USP20: variants seen among roughly 807,000 people sequenced by gnomAD.
The protein encoded by USP20 is ubiquitin carboxyl-terminal hydrolase 20.
USP20 carries 80 observed loss-of-function variants against 124.2 expected under a neutral mutation model. The observed-to-expected ratio is 0.64, with a 90% CI of 0.54 to 0.78. USP20 has a LOEUF of 0.78. Ranked by LOEUF, USP20 falls within the 30% of genes least tolerant of loss-of-function variation. USP20 has a pLI of 0.00. For synonymous variants in USP20, 481 were observed against 512.3 expected (o/e 0.94, Z 0.83); for missense variants, 1,043 against 1,244.4 (o/e 0.84, Z 2.44).
rs564516393 is a variant in USP20, at chr9:129,873,850, T to C, written c.1740+106T>C. The C allele has an allele frequency of 2.1e-4, 289 of 1,385,120 alleles. 2 individuals carry two copies. The East Asian group carries it at 5.3e-3, about 25-fold the overall frequency. The allele number at this position is 1,385,120 out of a possible 1,614,324, so 85.8% of individuals were successfully genotyped here. A position where few individuals can be genotyped will look rare whatever the true frequency, so the allele number is the denominator to read the frequency against. ...CTCCACTGCTCGGGCACTTCTGTGC[T>C]GCAGGGGCCGTGGAGACTCCATAGC... On this transcript the variant is annotated intron_variant, in intron 17 of 25. Transcript: ENST00000372429.
At chr9:129,837,645 G>C (rs1472463298) in intron 1 of USP20, among the ~76,000 whole-genome samples, 1 of 152,202 alleles carries the variant, frequency 6.6e-6, no homozygotes, top group African/African-American at 2.4e-5. Flanking sequence ...TGTAAAGTGT[G>C]TTAGAAGATG....
rs747113829 is a variant in USP20, at chr9:129,869,324, G to A, written c.1291G>A (p.Ala431Thr). 5 of 1,613,532 alleles carry A rather than the reference G, an allele frequency of 3.1e-6. No individual in the cohort carries two copies. In the South Asian group the frequency reaches 5.5e-5, roughly 18 times the overall value. The change falls in exon 13 of 26, where the codon GCT becomes ACT. Residue 431 changes from alanine (A) to threonine (T), a missense_variant. Transcript: ENST00000372429. Reference protein sequence around the residue: ...YVLKKAQVLSAGSRRRKEQRY... With the variant: ...YVLKKAQVLSTGSRRRKEQRY... ...TGTGTCCCCAGCCCAGGTATTGAGT[G>A]CTGGCAGCCGGAGGCGGAAGGAGCA...
chr9:129,852,296 A>G (rs965686607), intron 2 of USP20, among the ~76,000 whole-genome samples: 2 of 152,142 alleles, frequency 1.3e-5, no homozygotes, highest in East Asian at 3.8e-4. Flanking sequence ...TCCCTACATC[A>G]GGGACTACAC....
chr9:129,848,182 G>C (rs547868137), intron 1 of USP20, among the ~76,000 whole-genome samples: 1 of 152,164 alleles, frequency 6.6e-6, no homozygotes, highest in African/African-American at 2.4e-5. Context: ...TGGAATCCCA[G>C]CTACTCAAGG....
chr9:129,857,948 C>G, intron 4 of USP20, 102 bp from the exon 5 acceptor site: 1 of 1,054,246 alleles, frequency 9.5e-7, no homozygotes, highest in Non-Finnish European at 1.5e-6. Flanking sequence ...GGCCCCTATT[C>G]AGGAGAGGTA....
chr9:129,850,953 CTTTTG>C (rs1166129871), intron 2 of USP20, among the ~76,000 whole-genome samples: 3 of 152,230 alleles, frequency 2.0e-5, no homozygotes, highest in South Asian at 2.1e-4. Flanking sequence ...CGCACCCAGT[CTTTTG>C]TTTTGTTTTT....
intron 7 of USP20, 60 bp from the exon 8 acceptor site, chr9:129,861,483 A>G: frequency 6.5e-7 from 1 of 1,529,322 alleles, no homozygotes; most frequent in South Asian, 1.1e-5. Context: ...TGTGACTTGC[A>G]AGGTTTCCTC....
intron 1 of USP20, among the ~76,000 whole-genome samples, chr9:129,849,536 G>A (rs1237894157): frequency 6.6e-6 from 1 of 152,160 alleles, no homozygotes; most frequent in Non-Finnish European, 1.5e-5. Context: ...GAGGTGGGAG[G>A]ACTACTTGAG....
chr9:129,875,719 G>A, intron 21 of USP20, 78 bp downstream of exon 21: 2 of 1,452,148 alleles, frequency 1.4e-6, no homozygotes, highest in Non-Finnish European at 1.9e-6. Context: ...GGGCAGGGAA[G>A]GAATGCCACC....
At chr9:129,875,713 A>C in intron 21 of USP20, 72 bp downstream of exon 21, 1 of 1,506,328 alleles carries the variant, frequency 6.6e-7, no homozygotes, top group Non-Finnish European at 9.1e-7. Flanking sequence ...AGGGGAGGGC[A>C]GGGAAGGAAT....
chr9:129,869,280 G>A (rs753724903), intron 12 of USP20, 30 bp from the exon 13 acceptor site: 4 of 1,594,506 alleles, frequency 2.5e-6, no homozygotes, highest in African/African-American at 1.3e-5. Context: ...GGCAGGTGGA[G>A]GCTGGGCTAG....
In USP20 at chr9:129,879,283, G is replaced by A; in HGVS notation, c.2513-290G>A. 5 of 434,102 alleles carry A rather than the reference G, an allele frequency of 1.2e-5. No homozygotes were observed. The allele number at this position is 434,102 out of a possible 1,614,324, so 26.9% of individuals were successfully genotyped here. On this transcript the variant is annotated intron_variant, in intron 23 of 25. Coordinates refer to ENST00000372429, the MANE Select transcript of USP20 (RefSeq NM_001110303.4). This position sits in a 1 kb window ranked among gnomAD's most constrained non-coding sequence, Gnocchi z 4.2. ...GGCTAAATGAGATAGCTGGGCAGAG[G>A]GGAAGGGGCGTGGTGAGCGGCAGCT...
intron 1 of USP20, among the ~76,000 whole-genome samples, chr9:129,847,299 C>CTTTTT (rs35098457): frequency 2.3e-5 from 3 of 130,868 alleles, no homozygotes; most frequent in Non-Finnish European, 4.9e-5. Context: ...ACAGCCAACA[C>CTTTTT]TTTTTTTTTT....
chr9:129,836,052 C>T (rs1363547320), intron 1 of USP20, among the ~76,000 whole-genome samples: 4 of 152,196 alleles, frequency 2.6e-5, no homozygotes, highest in Non-Finnish European at 5.9e-5. Context: ...GGCCACCCCC[C>T]TGGACCTTCA....
At chr9:129,864,272 C>T (rs545303623) in intron 9 of USP20, among the ~76,000 whole-genome samples, 82 of 149,206 alleles carry the variant, frequency 5.5e-4, no homozygotes, top group South Asian at 2.8e-3. Context: ...AGTTTGAGAC[C>T]GGCCTGGACA....
At chr9:129,863,111 C>T (rs1018233957) in intron 8 of USP20, 75 bp from the exon 9 acceptor site, 15 of 1,228,910 alleles carry the variant, frequency 1.2e-5, no homozygotes, top group African/African-American at 7.5e-5. Flanking sequence ...CAGGGCTCCC[C>T]GCTATGCAGC....
intron 2 of USP20, among the ~76,000 whole-genome samples, chr9:129,850,691 T>C (rs2032865989): frequency 6.6e-6 from 1 of 152,102 alleles, no homozygotes; most frequent in Admixed American, 6.5e-5. Flanking sequence ...GTTGCGCTCT[T>C]GTTGCCTAGG....
At chr9:129,873,564 T>C in intron 16 of USP20, 49 bp downstream of exon 16, 2 of 1,613,894 alleles carry the variant, frequency 1.2e-6, no homozygotes, top group Non-Finnish European at 1.7e-6. Flanking sequence ...TTCTGTGCCC[T>C]ACATATTCCC....
chr9:129,861,508 C>G, intron 7 of USP20, 35 bp from the exon 8 acceptor site: 1 of 1,602,966 alleles, frequency 6.2e-7, no homozygotes, highest in Non-Finnish European at 8.5e-7. Context: ...GGGCAGGGTG[C>G]TCACCTGCTC....
Sources: allele counts gnomAD v4.1 joint callset (sites outside exome capture counted in the v4.1 genomes callset), GRCh38; gene constraint gnomAD v4.1.1; non-coding constraint Gnocchi (gnomAD v3.1); transcripts MANE v1.5; gene names NCBI Gene and HGNC (gene_info 2026-07-23, HGNC 2026-07-21).